ADAM29: variants seen among roughly 807,000 people sequenced by gnomAD.
The protein encoded by ADAM29 is ADAM metallopeptidase domain 29, also known as disintegrin and metalloproteinase domain-containing protein 29.
For synonymous variants in ADAM29, 367 were observed against 342.3 expected (o/e 1.07, Z -0.80); for missense variants, 969 against 1,001.8 (o/e 0.97, Z 0.44).
At chr4:174,928,707 T>C (rs1463424491) in intron 2 of ADAM29, among the ~76,000 whole-genome samples, 1 of 152,064 alleles carries the variant, frequency 6.6e-6, no homozygotes. Context: ...GACAAAGTAC[T>C]AGAGAACTTT....
chr4:174,927,534 A>AT (rs1743589718), intron 2 of ADAM29, among the ~76,000 whole-genome samples: 1 of 152,174 alleles, frequency 6.6e-6, no homozygotes, highest in African/African-American at 2.4e-5. Context: ...ATTACTATCT[A>AT]AGTAGTAAAT....
At chr4:174,950,931 G>A (rs1579047683) in intron 4 of ADAM29, among the ~76,000 whole-genome samples, 1 of 152,130 alleles carries the variant, frequency 6.6e-6, no homozygotes, top group East Asian at 1.9e-4. Flanking sequence ...GGTAAAACAT[G>A]CTTGCTTCCC....
intron 4 of ADAM29, among the ~76,000 whole-genome samples, chr4:174,948,878 G>A (rs1375883688): frequency 6.6e-6 from 1 of 152,206 alleles, no homozygotes; most frequent in African/African-American, 2.4e-5. Flanking sequence ...GTTCACATCG[G>A]CGGTGGCAAA....
chr4:174,938,766 T>C (rs1744343011), intron 4 of ADAM29, among the ~76,000 whole-genome samples: 1 of 152,110 alleles, frequency 6.6e-6, no homozygotes, highest in Non-Finnish European at 1.5e-5. Flanking sequence ...CTCCACAAAT[T>C]GGTGGCTTAA....
intron 2 of ADAM29, among the ~76,000 whole-genome samples, chr4:174,922,368 C>T (rs1024907459): frequency 1.4e-4 from 22 of 152,166 alleles, no homozygotes; most frequent in African/African-American, 5.3e-4. Context: ...TAGAGCAAAT[C>T]ATCATCCTGA....
intron 4 of ADAM29, among the ~76,000 whole-genome samples, chr4:174,952,703 T>A (rs1218627468): frequency 6.7e-6 from 1 of 148,598 alleles, no homozygotes; most frequent in Non-Finnish European, 1.5e-5. Flanking sequence ...GTTTCTGGTA[T>A]TCTGTCGTTC....
chr4:174,971,075 T>G (rs750463596), intron 4 of ADAM29, among the ~76,000 whole-genome samples: 1 of 152,166 alleles, frequency 6.6e-6, no homozygotes, highest in Non-Finnish European at 1.5e-5. Flanking sequence ...TTAACATATT[T>G]TATTTCTTTT....
At chr4:174,968,791 A>T (rs1746299286) in intron 4 of ADAM29, among the ~76,000 whole-genome samples, 2 of 151,990 alleles carry the variant, frequency 1.3e-5, no homozygotes, top group Admixed American at 1.3e-4. Flanking sequence ...ACACACACAC[A>T]CACACACACA....
intron 4 of ADAM29, among the ~76,000 whole-genome samples, chr4:174,938,335 T>A (rs1435152961): frequency 1.3e-5 from 2 of 152,050 alleles, no homozygotes; most frequent in African/African-American, 4.8e-5. Flanking sequence ...GGAATGGGAA[T>A]GTGAAAATTC....
intron 2 of ADAM29, among the ~76,000 whole-genome samples, chr4:174,923,457 A>ATCAATGTC (rs1267272243): frequency 6.7e-6 from 1 of 148,540 alleles, no homozygotes; most frequent in Non-Finnish European, 1.5e-5. Context: ...GTTTCTTCAG[A>ATCAATGTC]TCAATGTCTC....
chr4:174,978,154 G>C lies in ADAM29; in HGVS notation c.*166G>C. On this transcript the variant is annotated 3_prime_UTR_variant, in exon 5 of 5. Transcript: ENST00000359240. ...AATTCCAAAAACTGTATCCAGAAAA[G>C]GTACATTAAAAAAATAATTCCTAGT... The C allele has an allele frequency of 1.8e-6, 2 of 1,123,600 alleles. No homozygotes were observed. Among genetic ancestry groups the C allele is most frequent in the Non-Finnish European group, 2.5e-6 (2 of 785,082 alleles). 69.6% of individuals were successfully genotyped at this position (1,123,600 alleles called of 1,614,324 possible). A position where few individuals can be genotyped will look rare whatever the true frequency, so the allele number is the denominator to read the frequency against.
chr4:174,959,479 GTGTGTT>G (rs1158842588), intron 4 of ADAM29, among the ~76,000 whole-genome samples: 10 of 146,020 alleles, frequency 6.8e-5, no homozygotes, highest in East Asian at 3.9e-4. Flanking sequence ...GTGTGTGTGT[GTGTGTT>G]TGTGTGTTTG....
At chr4:174,965,484 C>CATCTATCTATCTATCTATCT (rs60063978) in intron 4 of ADAM29, among the ~76,000 whole-genome samples, 2 of 147,102 alleles carry the variant, frequency 1.4e-5, no homozygotes, top group African/African-American at 2.5e-5. Context: ...CTCTATCTAT[C>CATCTATCTATCTATCTATCT]ATCTATCTAT....
intron 2 of ADAM29, among the ~76,000 whole-genome samples, chr4:174,922,004 A>G (rs1389457513): frequency 6.6e-6 from 1 of 152,178 alleles, no homozygotes; most frequent in African/African-American, 2.4e-5. Context: ...AAATCACTCT[A>G]TTGAGTCTCC....
intron 4 of ADAM29, among the ~76,000 whole-genome samples, chr4:174,948,659 T>C (rs552598196): frequency 2.0e-5 from 3 of 152,318 alleles, no homozygotes; most frequent in African/African-American, 7.2e-5. Context: ...TGCCAGCAGC[T>C]GCAGCAGCAT....
chr4:174,947,983 T>G (rs2111003317), intron 4 of ADAM29, among the ~76,000 whole-genome samples: 1 of 152,344 alleles, frequency 6.6e-6, no homozygotes, highest in East Asian at 1.9e-4. Flanking sequence ...ATGACCATAT[T>G]ATGACATTCT....
At chr4:174,964,960 T>C (rs1354610692) in intron 4 of ADAM29, among the ~76,000 whole-genome samples, 1 of 152,114 alleles carries the variant, frequency 6.6e-6, no homozygotes, top group African/African-American at 2.4e-5. Flanking sequence ...TGGTGGTTTA[T>C]GGAAGTCAAA....
At chr4:174,943,689 C>A (rs946461824) in intron 4 of ADAM29, among the ~76,000 whole-genome samples, 3 of 152,036 alleles carry the variant, frequency 2.0e-5, no homozygotes, top group African/African-American at 7.2e-5. Flanking sequence ...GGTGGGGACA[C>A]AAGAGTCAAA....
chr4:174,965,600 CAT>C (rs1456275618), intron 4 of ADAM29, among the ~76,000 whole-genome samples: 3 of 151,916 alleles, frequency 2.0e-5, no homozygotes, highest in South Asian at 2.1e-4. Flanking sequence ...GAAATTGGCT[CAT>C]GTGATTATGG....
Sources: gnomAD v4.1 joint callset for allele counts (sites outside exome capture counted in the v4.1 genomes callset) on GRCh38, gnomAD v4.1.1 for gene constraint, MANE v1.5 for transcripts, NCBI Gene and HGNC (gene_info 2026-07-23, HGNC 2026-07-21) for gene names.